LRRC4C: variants seen among roughly 807,000 people sequenced by gnomAD.
LRRC4C encodes the protein leucine-rich repeat-containing protein 4C.
In LRRC4C, 5 loss-of-function variants were observed where a neutral mutation model predicts 33.6. That is an observed-to-expected ratio of 0.15 (90% confidence interval 0.08 to 0.31). The LOEUF (loss-of-function observed/expected upper bound fraction) is 0.31. Ranked by LOEUF, LRRC4C falls within the 10% of genes least tolerant of loss-of-function variation. The pLI, the probability that LRRC4C is intolerant of heterozygous loss-of-function variation, is 1.00. For missense variants in LRRC4C, 560 were observed against 796.7 expected, an observed-to-expected ratio of 0.70 and a Z score of 3.58; for synonymous variants, 329 against 302.0, an observed-to-expected ratio of 1.09 and a Z score of -0.93.
intron 3 of LRRC4C, among the ~76,000 whole-genome samples, chr11:40,638,235 G>T (rs2136069348): frequency 6.6e-6 from 1 of 152,180 alleles, no homozygotes; most frequent in South Asian, 2.1e-4. Context: ...TAAAATATGG[G>T]TATGTGAGGG....
chr11:41,378,075 G>T lies in LRRC4C; in HGVS notation c.-496+81356C>A, dbSNP rs149349950. On this transcript the variant is annotated intron_variant, in intron 1 of 6. Transcript: ENST00000528697. ...AGAGAAAAACAATTGTTTGACTTGC[G>T]ACTTTCTTGGATCTGCAGAAATGTA... Among the ~76,000 whole-genome samples the T allele has an allele frequency of 3.3e-3, 508 of 152,182 alleles. 1 individual carries two copies. Among genetic ancestry groups the T allele is most frequent in the Non-Finnish European group, 5.7e-3 (385 of 68,018 alleles).
intron 2 of LRRC4C, among the ~76,000 whole-genome samples, chr11:40,888,867 C>A (rs932332607): frequency 1.3e-5 from 2 of 151,864 alleles, no homozygotes; most frequent in African/African-American, 4.8e-5. Flanking sequence ...ATTTTCACAC[C>A]AAAATGCTTA....
chr11:41,367,339 A>G (rs77825825), intron 1 of LRRC4C, among the ~76,000 whole-genome samples: 2,880 of 152,164 alleles, frequency 0.019, 80 homozygotes, highest in African/African-American at 0.065. Flanking sequence ...AAACACAGTA[A>G]TCTCACGGCC....
intron 2 of LRRC4C, among the ~76,000 whole-genome samples, chr11:40,777,062 A>G (rs1950029096): frequency 6.6e-6 from 1 of 152,126 alleles, no homozygotes; most frequent in Non-Finnish European, 1.5e-5. Context: ...ATTGATTTCT[A>G]TTTTAGTTCC....
At chr11:40,216,014 T>A in intron 5 of LRRC4C, among the ~76,000 whole-genome samples, 1 of 152,116 alleles carries the variant, frequency 6.6e-6, no homozygotes, top group East Asian at 1.9e-4. Context: ...GAGATTAATC[T>A]GTATTTTTTG....
At chr11:40,711,924 G>A (rs1946485764) in intron 2 of LRRC4C, among the ~76,000 whole-genome samples, 2 of 152,074 alleles carry the variant, frequency 1.3e-5, no homozygotes, top group Admixed American at 6.6e-5. Context: ...TTTCTCCTGG[G>A]AACTTAAATG....
chr11:40,288,914 C>T (rs904030304), intron 4 of LRRC4C, among the ~76,000 whole-genome samples: 2 of 152,064 alleles, frequency 1.3e-5, no homozygotes, highest in African/African-American at 4.8e-5. Context: ...CTTAAAATAC[C>T]AGAAATCTCT....
chr11:40,955,438 A>T (rs551069243), intron 1 of LRRC4C, among the ~76,000 whole-genome samples: 1 of 151,288 alleles, frequency 6.6e-6, no homozygotes, highest in African/African-American at 2.4e-5. Context: ...CTGGGGGGGA[A>T]AAACACAAAA....
intron 1 of LRRC4C, among the ~76,000 whole-genome samples, chr11:41,023,668 T>C (rs1164649334): frequency 1.3e-5 from 2 of 151,784 alleles, no homozygotes; most frequent in Admixed American, 1.3e-4. Flanking sequence ...ATACACTTAT[T>C]CAGATTGCGT....
intron 1 of LRRC4C, among the ~76,000 whole-genome samples, chr11:41,109,022 T>C (rs958464460): frequency 1.3e-5 from 2 of 152,092 alleles, no homozygotes; most frequent in African/African-American, 4.8e-5. Context: ...TTTTTTGATG[T>C]GACATTTTCC....
chr11:40,392,347 A>C (rs1949369904), intron 3 of LRRC4C, among the ~76,000 whole-genome samples: 1 of 152,178 alleles, frequency 6.6e-6, no homozygotes, highest in African/African-American at 2.4e-5. Flanking sequence ...TGGTTTGTCA[A>C]TTATTGTCAC....
At chr11:41,198,793 C>A (rs574518316) in intron 1 of LRRC4C, among the ~76,000 whole-genome samples, 99 of 152,060 alleles carry the variant, frequency 6.5e-4, no homozygotes, top group Non-Finnish European at 1.1e-3. Flanking sequence ...AACCAGAAGA[C>A]AAACATGTAT....
chr11:41,332,127 G>T (rs1490263319), intron 1 of LRRC4C, among the ~76,000 whole-genome samples: 1 of 152,096 alleles, frequency 6.6e-6, no homozygotes, highest in East Asian at 1.9e-4. Flanking sequence ...TCACAGAGTC[G>T]AAGCTTAGTA....
In LRRC4C at chr11:40,236,622, G is replaced by A. The variant is rs189649087; in HGVS notation, c.-96+4897C>T. On this transcript the variant is annotated intron_variant, in intron 5 of 6. Transcript: ENST00000528697. ...GCTTCTAGGGAAAGGCAGAAAAAAG[G>A]TCCCTGAGGCACCCCCCTCCCCCAG... 1.1e-3 allele frequency among the ~76,000 whole-genome samples: 171 copies of A among 152,080 alleles called. 1 individual carries two copies. The highest frequency in any genetic ancestry group is 3.8e-3 in the African/African-American group (158 of 41,488).
intron 2 of LRRC4C, among the ~76,000 whole-genome samples, chr11:40,805,426 C>A (rs1355242821): frequency 6.6e-6 from 1 of 152,166 alleles, no homozygotes; most frequent in Non-Finnish European, 1.5e-5. Context: ...GACAGCCATT[C>A]ATTGTTTAAA....
At chr11:41,278,362 A>G (rs550348445) in intron 1 of LRRC4C, among the ~76,000 whole-genome samples, 24 of 152,326 alleles carry the variant, frequency 1.6e-4, no homozygotes, top group Middle Eastern at 3.4e-3. Context: ...CATCAACATT[A>G]TCACAAAATA....
intron 3 of LRRC4C, among the ~76,000 whole-genome samples, chr11:40,536,719 G>A (rs1269373379): frequency 1.3e-5 from 2 of 151,828 alleles, no homozygotes. Flanking sequence ...TCTCTACAGG[G>A]CTTATTTGCT....
intron 2 of LRRC4C, among the ~76,000 whole-genome samples, chr11:40,693,139 C>A (rs947404081): frequency 1.3e-5 from 2 of 152,010 alleles, no homozygotes; most frequent in Non-Finnish European, 2.9e-5. Context: ...TGCACACTTA[C>A]ATACATAAAA....
chr11:40,520,122 A>G (rs1351426992), intron 3 of LRRC4C, among the ~76,000 whole-genome samples: 1 of 152,202 alleles, frequency 6.6e-6, no homozygotes, highest in Non-Finnish European at 1.5e-5. Context: ...ATTATGCTAA[A>G]TCTACTCTTC....
Sources: gnomAD v4.1 joint callset for allele counts (sites outside exome capture counted in the v4.1 genomes callset) on GRCh38, gnomAD v4.1.1 for gene constraint, MANE v1.5 for transcripts, NCBI Gene and HGNC (gene_info 2026-07-23, HGNC 2026-07-21) for gene names.